COL11A1: variants seen among roughly 807,000 people sequenced by gnomAD.
COL11A1 encodes the protein collagen alpha-1(XI) chain.
COL11A1 carries 74 observed loss-of-function variants against 265.2 expected under a neutral mutation model. The observed-to-expected ratio is 0.28, with a 90% CI of 0.23 to 0.34. The LOEUF (loss-of-function observed/expected upper bound fraction) is 0.34, where lower values mean the gene tolerates loss of function less well. COL11A1 is among the 10% of genes least tolerant of loss of function. The pLI is 1.00. For missense variants in COL11A1, 2,165 were observed against 2,263.6 expected (o/e 0.96, Z 0.88); for synonymous variants, 816 against 727.6 (o/e 1.12, Z -1.96).
intron 47 of COL11A1, 47 bp downstream of exon 47, chr1:102,923,289 C>A: frequency 6.9e-7 from 1 of 1,442,058 alleles, no homozygotes; most frequent in Non-Finnish European, 9.7e-7. Context: ...CCAGTGACTG[C>A]CATGCATATA....
Position 102,991,018 on chromosome 1 carries a change from G to A in COL11A1, c.2341-1447C>T, listed in dbSNP as rs569160638. The stretch of plus-strand genomic sequence containing the variant: ...GCTGCACTCCAGGCTTGGCAACAGA[G>A]GGAGACTCCATCTCAAAAACAAAAC... On this transcript the variant is annotated intron_variant, in intron 28 of 66. Coordinates refer to ENST00000370096, the MANE Select transcript of COL11A1 (RefSeq NM_001854.4). 2.6e-5 allele frequency among the ~76,000 whole-genome samples: 4 copies of A among 152,114 alleles called. No individual in the cohort carries two copies. In the South Asian group the frequency reaches 8.3e-4, roughly 32 times the overall value.
chr1:102,900,674 C>T (rs1030919877), intron 54 of COL11A1, among the ~76,000 whole-genome samples: 6 of 152,060 alleles, frequency 3.9e-5, no homozygotes, highest in Middle Eastern at 6.8e-3. Context: ...ACCTTTACTT[C>T]AAAGGAGAAA....
intron 4 of COL11A1, among the ~76,000 whole-genome samples, chr1:103,053,099 C>T (rs773175512): frequency 5.3e-5 from 8 of 152,184 alleles, no homozygotes; most frequent in Non-Finnish European, 7.4e-5. Flanking sequence ...TGTGCATTGC[C>T]GGCAGTAGCT....
chr1:102,972,667 C>T (rs2622854), intron 36 of COL11A1, among the ~76,000 whole-genome samples: 43,031 of 151,908 alleles, frequency 0.28, 6,449 homozygotes, highest in African/African-American at 0.38. Flanking sequence ...CCAGGCTTCC[C>T]CTTTGATCTA....
At chr1:102,972,998 T>A (rs1032474891) in intron 36 of COL11A1, among the ~76,000 whole-genome samples, 4 of 152,066 alleles carry the variant, frequency 2.6e-5, no homozygotes, top group African/African-American at 9.7e-5. Flanking sequence ...ACATCATATA[T>A]ATATAAAATT....
In COL11A1 at chr1:103,108,302, A is replaced by C. The variant is rs896916681; in HGVS notation, c.-124T>G. 2.7e-6 allele frequency: 2 copies of C among 751,304 alleles called. No individual in the cohort carries two copies. Among genetic ancestry groups the C allele is most frequent in the Non-Finnish European group, 4.7e-6 (2 of 423,470 alleles). The allele number at this position is 751,304 out of a possible 1,614,324, so 46.5% of individuals were successfully genotyped here. The stretch of plus-strand genomic sequence containing the variant: ...ACAGCCATTGGGGAGGGAGAGGGGG[A>C]AAAAGTCAAAGGGCTTTTTCTTCTA... On this transcript the variant is annotated 5_prime_UTR_variant, in exon 1 of 67. Transcript: ENST00000370096.
intron 57 of COL11A1, among the ~76,000 whole-genome samples, chr1:102,892,757 C>A (rs1651932357): frequency 6.6e-6 from 1 of 152,070 alleles, no homozygotes; most frequent in Non-Finnish European, 1.5e-5. Flanking sequence ...TTTTTTAATT[C>A]ATAACTGAAT....
At chr1:102,912,114 T>A in intron 54 of COL11A1, 45 bp downstream of exon 54, 1 of 1,458,178 alleles carries the variant, frequency 6.9e-7, no homozygotes, top group Admixed American at 1.8e-5. Flanking sequence ...TTATCCATGG[T>A]GACTAATGAG....
At chr1:102,954,066 A>T (rs1288332117) in intron 41 of COL11A1, among the ~76,000 whole-genome samples, 1 of 152,216 alleles carries the variant, frequency 6.6e-6, no homozygotes, top group South Asian at 2.1e-4. Flanking sequence ...ATTAACAACT[A>T]TGGAAAACAT....
chr1:102,946,781 T>G, intron 42 of COL11A1, 68 bp downstream of exon 42: 1 of 1,247,320 alleles, frequency 8.0e-7, no homozygotes, highest in Non-Finnish European at 1.2e-6. Flanking sequence ...AAGCTAATAT[T>G]ATTGAATAAA....
At chr1:103,046,447 G>C (rs192263840) in intron 4 of COL11A1, among the ~76,000 whole-genome samples, 41 of 151,592 alleles carry the variant, frequency 2.7e-4, no homozygotes, top group African/African-American at 9.7e-4. Context: ...CTTTTTGATG[G>C]GGTTGTTAGT....
chr1:102,916,140 G>C (rs1358875851), intron 49 of COL11A1, among the ~76,000 whole-genome samples: 2 of 151,994 alleles, frequency 1.3e-5, no homozygotes, highest in East Asian at 1.9e-4. Flanking sequence ...ATATTTTATA[G>C]GATTTGTTTA....
At chr1:103,082,043 G>A (rs556055799) in intron 2 of COL11A1, among the ~76,000 whole-genome samples, 5 of 151,964 alleles carry the variant, frequency 3.3e-5, no homozygotes, top group African/African-American at 4.8e-5. Context: ...TATGAGGCTC[G>A]AAAATTGTCA....
Position 102,971,075 on chromosome 1 carries a change from A to AT in COL11A1, c.2809-804dup, listed in dbSNP as rs1287648092. 9.9e-5 allele frequency among the ~76,000 whole-genome samples: 15 copies of AT among 152,166 alleles called. No individual in the cohort carries two copies. The South Asian group carries it at 2.9e-3, about 29-fold the overall frequency. On this transcript the variant is annotated intron_variant, in intron 36 of 66. Transcript: ENST00000370096. ...TAAATACAAACTCATAAAAAATGGC[A>AT]TTTTATCTCTCAAATTTTTTCAAGT...
intron 46 of COL11A1, among the ~76,000 whole-genome samples, chr1:102,931,268 G>A (rs1158046594): frequency 1.7e-4 from 25 of 151,498 alleles, no homozygotes; most frequent in East Asian, 5.8e-4. Context: ...CTTTGAATGC[G>A]TCCCAGAGAT....
intron 4 of COL11A1, among the ~76,000 whole-genome samples, chr1:103,071,798 A>G (rs541037527): frequency 1.7e-4 from 24 of 142,606 alleles, no homozygotes; most frequent in Admixed American, 1.6e-3. Context: ...AGTAATAATA[A>G]TGTTTGTAAA....
chr1:102,900,765 G>C (rs1444122990), intron 54 of COL11A1, among the ~76,000 whole-genome samples: 1 of 152,012 alleles, frequency 6.6e-6, no homozygotes, highest in Non-Finnish European at 1.5e-5. Context: ...TTAAAATAAA[G>C]GGCTTCTTGT....
At chr1:103,026,924 G>GAAA (rs1667568141) in intron 5 of COL11A1, among the ~76,000 whole-genome samples, 1 of 151,870 alleles carries the variant, frequency 6.6e-6, no homozygotes, top group African/African-American at 2.4e-5. Flanking sequence ...AATGTATTAA[G>GAAA]AAATTCCTAA....
At chr1:102,955,575 T>C (rs1004670616) in intron 41 of COL11A1, among the ~76,000 whole-genome samples, 1 of 152,224 alleles carries the variant, frequency 6.6e-6, no homozygotes, top group African/African-American at 2.4e-5. Context: ...ATATTTGTTT[T>C]AATCTCATTT....
Sources: gnomAD v4.1 joint callset for allele counts (sites outside exome capture counted in the v4.1 genomes callset) on GRCh38, gnomAD v4.1.1 for gene constraint, MANE v1.5 for transcripts, NCBI Gene and HGNC (gene_info 2026-07-23, HGNC 2026-07-21) for gene names.